The following WIPF1 variants were observed in gnomAD, a reference collection of about 807,000 sequenced individuals.
WIPF1 encodes WAS/WASL interacting protein family member 1.
In WIPF1, 13 loss-of-function variants were observed where a neutral mutation model predicts 35.4. The ratio of observed to expected loss-of-function variants is 0.37; its 90% CI spans 0.24 to 0.58. The LOEUF (loss-of-function observed/expected upper bound fraction) is 0.58. Among genes scored for constraint, WIPF1 ranks in the 20% least tolerant of loss-of-function variants. The pLI is 0.74. For missense variants in WIPF1, 591 were observed against 667.0 expected, an observed-to-expected ratio of 0.89 and a Z score of 1.25; for synonymous variants, 267 against 266.3, an observed-to-expected ratio of 1.00 and a Z score of -0.02.
In WIPF1 at chr2:174,590,689, C is replaced by T. The variant is rs558072149; in HGVS notation, c.-38-5078G>A. On this transcript the variant is annotated intron_variant, in intron 1 of 7. Transcript: ENST00000679041. This position sits in a 1 kb window ranked among gnomAD's most constrained non-coding sequence, Gnocchi z 4.6. ...AGACTAGTTGGGCTCTCAGTAGTGT[C>T]GGATCACATGCCTACCCACTTGCTG... 2.2e-4 allele frequency among the ~76,000 whole-genome samples: 34 copies of T among 152,288 alleles called. No individual in the cohort carries two copies. The highest frequency in any genetic ancestry group is 8.3e-4 in the South Asian group (4 of 4,822).
intron 1 of WIPF1, among the ~76,000 whole-genome samples, chr2:174,663,270 G>A (rs781114359): frequency 2.4e-4 from 37 of 152,278 alleles, no homozygotes; most frequent in Non-Finnish European, 5.3e-4. Flanking sequence ...AGATAACTGC[G>A]ACCCAAACCT....
chr2:174,608,451 A>C (rs1392938863), intron 1 of WIPF1, among the ~76,000 whole-genome samples: 2 of 152,138 alleles, frequency 1.3e-5, no homozygotes, highest in African/African-American at 2.4e-5. Context: ...CACTTGCCTT[A>C]TTTCTTTGAA....
At chr2:174,650,749 T>C (rs966903996) in intron 1 of WIPF1, among the ~76,000 whole-genome samples, 1 of 152,264 alleles carries the variant, frequency 6.6e-6, no homozygotes. Flanking sequence ...ATCCCTATGC[T>C]AGGGACCCTT....
chr2:174,629,926 G>C (rs1043003604), intron 1 of WIPF1: 1 of 152,208 alleles, frequency 6.6e-6, no homozygotes, highest in African/African-American at 2.4e-5. Flanking sequence ...GTGACTTACT[G>C]AAAGAATTAC....
chr2:174,569,404 A>T (rs189878562), intron 5 of WIPF1, among the ~76,000 whole-genome samples: 1 of 152,300 alleles, frequency 6.6e-6, no homozygotes, highest in East Asian at 1.9e-4. Context: ...ACTGAGGAAA[A>T]GTGTCTCATT....
intron 1 of WIPF1, chr2:174,673,221 G>C (rs912486237): frequency 1.1e-4 from 16 of 152,204 alleles, no homozygotes; most frequent in Non-Finnish European, 1.5e-4. Flanking sequence ...AGCAAGCCAG[G>C]CACTTGGACC....
At chr2:174,607,848 C>T (rs1355033886) in intron 1 of WIPF1, among the ~76,000 whole-genome samples, 1 of 152,228 alleles carries the variant, frequency 6.6e-6, no homozygotes, top group Non-Finnish European at 1.5e-5. Flanking sequence ...CAGTATCTGG[C>T]ATAATGCAGG....
intron 1 of WIPF1, among the ~76,000 whole-genome samples, chr2:174,671,853 C>T (rs1688026384): frequency 6.6e-6 from 1 of 152,158 alleles, no homozygotes; most frequent in African/African-American, 2.4e-5. Context: ...ACAATGCGTG[C>T]CCGAAACTTC....
intron 1 of WIPF1, among the ~76,000 whole-genome samples, chr2:174,647,885 T>C (rs1687446144): frequency 6.6e-6 from 1 of 152,208 alleles, no homozygotes; most frequent in African/African-American, 2.4e-5. Context: ...AGAACCTAGA[T>C]TAAAGAGATA....
chr2:174,613,146 G>A (rs77647320), intron 1 of WIPF1, among the ~76,000 whole-genome samples: 2 of 6,040 alleles, frequency 3.3e-4, no homozygotes, highest in African/African-American at 2.0e-3. Flanking sequence ...ACATGCAGAC[G>A]TGTAAACTTC....
chr2:174,564,728 G>A (rs779300633), intron 7 of WIPF1, among the ~76,000 whole-genome samples: 2 of 151,608 alleles, frequency 1.3e-5, no homozygotes, highest in African/African-American at 4.8e-5. Context: ...GAGTCTATAT[G>A]AACAACTCCT....
At chr2:174,601,696 G>T (rs1686013781), upstream of WIPF1, among the ~76,000 whole-genome samples, 1 of 152,224 alleles carries the variant, frequency 6.6e-6, no homozygotes, top group Admixed American at 6.5e-5. Flanking sequence ...CTCAGTGTCA[G>T]CTTTTCCAGC....
At chr2:174,580,482 C>T (rs1685199822) in intron 3 of WIPF1, among the ~76,000 whole-genome samples, 1 of 152,174 alleles carries the variant, frequency 6.6e-6, no homozygotes, top group African/African-American at 2.4e-5. Flanking sequence ...TCATTATTCA[C>T]TTGTTGACAA....
chr2:174,675,387 C>CAGAG (rs1688108447), intron 1 of WIPF1, among the ~76,000 whole-genome samples: 1 of 152,034 alleles, frequency 6.6e-6, no homozygotes, highest in South Asian at 2.1e-4. Context: ...AGACAGGTCT[C>CAGAG]GCTCTGTCAT....
intron 4 of WIPF1, chr2:174,574,706 T>A (rs981826850): frequency 2.1e-5 from 13 of 611,150 alleles, no homozygotes; most frequent in Admixed American, 8.7e-5. Context: ...TGAGAACCAC[T>A]GGCACTGAAA....
chr2:174,647,247 A>T, intron 1 of WIPF1, among the ~76,000 whole-genome samples: 1 of 151,376 alleles, frequency 6.6e-6, no homozygotes, highest in Non-Finnish European at 1.5e-5. Flanking sequence ...GCACAGTGTC[A>T]CACACTTGTA....
rs1013097010 is a variant in WIPF1 at position 174,571,232 on chromosome 2, A to C, written c.1129+444T>G. 9.9e-6 allele frequency: 3 copies of C among 302,272 alleles called. No homozygotes were observed. Among genetic ancestry groups the C allele is most frequent in the Non-Finnish European group, 1.8e-5 (3 of 162,860 alleles). 18.7% of individuals were successfully genotyped at this position (302,272 alleles called of 1,614,324 possible). On this transcript the variant is annotated intron_variant, in intron 5 of 7. Transcript: ENST00000679041. This position sits in a 1 kb window ranked among gnomAD's most constrained non-coding sequence, Gnocchi z 4.6. ...GCCTCAAAGCCTGGCGAATGAAGAG[A>C]GAAGTACAGGAGAAGTTCATTAGCT...
At chr2:174,614,827 C>G (rs757141764) in intron 1 of WIPF1, among the ~76,000 whole-genome samples, 17 of 152,228 alleles carry the variant, frequency 1.1e-4, no homozygotes, top group Non-Finnish European at 1.9e-4. Context: ...TAGCATTGTT[C>G]ACTGCAATGC....
intron 1 of WIPF1, among the ~76,000 whole-genome samples, chr2:174,640,281 T>C (rs893741942): frequency 1.5e-5 from 2 of 133,872 alleles, no homozygotes; most frequent in South Asian, 2.4e-4. Context: ...TTCTCACTCA[T>C]AGGTGGGAAT....
Sources: allele counts gnomAD v4.1 joint callset (sites outside exome capture counted in the v4.1 genomes callset), GRCh38; gene constraint gnomAD v4.1.1; non-coding constraint Gnocchi (gnomAD v3.1); transcripts MANE v1.5; gene names NCBI Gene and HGNC (gene_info 2026-07-23, HGNC 2026-07-21).